SORCS2: variants seen among roughly 807,000 people sequenced by gnomAD.
SORCS2 encodes the protein sortilin related VPS10 domain containing receptor 2.
A neutral mutation model predicts 141.6 loss-of-function variants in SORCS2; 100 were observed. The ratio of observed to expected loss-of-function variants is 0.71; its 90% CI spans 0.60 to 0.83. The LOEUF (loss-of-function observed/expected upper bound fraction) is 0.83, where lower values mean the gene tolerates loss of function less well. Ranked by LOEUF, SORCS2 falls within the 40% of genes least tolerant of loss-of-function variation. The pLI is 0.00. For synonymous variants in SORCS2, 789 were observed against 676.9 expected (o/e 1.17, Z -2.57); for missense variants, 1,646 against 1,560.2 (o/e 1.05, Z -0.93).
At position 7,596,020 on chromosome 4, in the gene SORCS2, A is replaced by T. The variant is rs574414939; in HGVS notation, c.649-42308A>T. ...CACGGCAACCCGCGGTTTCTCATTG[A>T]GACTGCATCCTCACAAACCATGGTT... On this transcript the variant is annotated intron_variant, in intron 3 of 26. Coordinates refer to ENST00000507866, the MANE Select transcript of SORCS2 (RefSeq NM_020777.3). Among the ~76,000 whole-genome samples, 498 of 152,240 alleles carry T rather than the reference A, an allele frequency of 3.3e-3. 3 individuals are homozygous for T. The highest frequency in any genetic ancestry group is 0.012 in the African/African-American group (479 of 41,534).
chr4:7,406,453 G>A (rs1724977378), intron 2 of SORCS2, among the ~76,000 whole-genome samples: 1 of 150,140 alleles, frequency 6.7e-6, no homozygotes, highest in African/African-American at 2.4e-5. Context: ...TTTTCTCATG[G>A]TTCAATCTTG....
chr4:7,548,926 C>T (rs1713475135), intron 3 of SORCS2, among the ~76,000 whole-genome samples: 1 of 152,208 alleles, frequency 6.6e-6, no homozygotes, highest in Admixed American at 6.5e-5. Flanking sequence ...CTTTCTGAGC[C>T]AAGATGCCCC....
intron 10 of SORCS2, among the ~76,000 whole-genome samples, chr4:7,684,356 A>C (rs749395148): frequency 5.9e-5 from 9 of 152,224 alleles, no homozygotes; most frequent in Non-Finnish European, 1.2e-4. Flanking sequence ...GACATGGAGC[A>C]ATCTGCAAGG....
Position 7,353,104 on chromosome 4 carries a change from G to A in SORCS2, c.481-43184G>A, listed in dbSNP as rs116361159. 5.2e-3 allele frequency among the ~76,000 whole-genome samples: 792 copies of A among 152,312 alleles called. 1 individual carries two copies. The highest frequency in any genetic ancestry group is 8.9e-3 in the Non-Finnish European group (603 of 68,022). The stretch of plus-strand genomic sequence containing the variant: ...TGTGCCTGGCAATGGTTCTCACTGG[G>A]AGGGGGTAGAGGAGGATGGAGTCAG... On this transcript the variant is annotated intron_variant, in intron 1 of 26. Coordinates refer to ENST00000507866, the MANE Select transcript of SORCS2 (RefSeq NM_020777.3).
chr4:7,284,510 G>A (rs1257553106), intron 1 of SORCS2, among the ~76,000 whole-genome samples: 3 of 152,196 alleles, frequency 2.0e-5, no homozygotes, highest in Non-Finnish European at 4.4e-5. Flanking sequence ...CAGACCTCAG[G>A]AGAGCTCGAG....
chr4:7,245,674 C>T (rs967966916), intron 1 of SORCS2, among the ~76,000 whole-genome samples: 1 of 152,160 alleles, frequency 6.6e-6, no homozygotes, highest in Non-Finnish European at 1.5e-5. Flanking sequence ...GTGTTATGGT[C>T]GCCCCCAGCT....
At chr4:7,712,051 G>C (rs919543940) in intron 14 of SORCS2, among the ~76,000 whole-genome samples, 1 of 152,098 alleles carries the variant, frequency 6.6e-6, no homozygotes, top group Non-Finnish European at 1.5e-5. Flanking sequence ...TCAGATCTTA[G>C]GAAGGTAACA....
intron 3 of SORCS2, among the ~76,000 whole-genome samples, chr4:7,595,319 C>T (rs1159237993): frequency 1.3e-5 from 2 of 152,192 alleles, no homozygotes; most frequent in Non-Finnish European, 2.9e-5. Flanking sequence ...AACCCAGAAG[C>T]TCTCCAACCC....
chr4:7,652,437 C>T (rs1409398413), intron 4 of SORCS2, among the ~76,000 whole-genome samples: 1 of 152,140 alleles, frequency 6.6e-6, no homozygotes, highest in South Asian at 2.1e-4. Flanking sequence ...GCCTGGGGCA[C>T]TGACCCAAGG....
In SORCS2 at chr4:7,525,849, GCAGTCACCTGTCCCCTCCT is replaced by G. The variant is rs774204652; in HGVS notation, c.549-5649_549-5631del. On this transcript the variant is annotated intron_variant, in intron 2 of 26. Coordinates refer to ENST00000507866, the MANE Select transcript of SORCS2 (RefSeq NM_020777.3). ...TCCCCTCAGTCACCTGGGCCCTCCT[GCAGTCACCTGTCCCCTCCT>G]CAGTCACCTGTCCCCTCCTCAGTCA... 1.4e-4 allele frequency among the ~76,000 whole-genome samples: 7 copies of G among 51,672 alleles called. No homozygotes were observed. In the South Asian group the frequency reaches 5.8e-3, roughly 43 times the overall value. 33.9% of individuals were successfully genotyped at this position (51,672 alleles called of 152,430 possible).
intron 1 of SORCS2, among the ~76,000 whole-genome samples, chr4:7,344,418 G>A (rs1395990558): frequency 6.6e-6 from 1 of 152,212 alleles, no homozygotes. Context: ...CTGGCTGGAA[G>A]GGAGATGGGT....
chr4:7,491,275 G>A (rs904220469), intron 2 of SORCS2, among the ~76,000 whole-genome samples: 4 of 152,252 alleles, frequency 2.6e-5, no homozygotes, highest in East Asian at 1.9e-4. Flanking sequence ...TGGGTTACTC[G>A]TAGCTAACCC....
intron 2 of SORCS2, among the ~76,000 whole-genome samples, chr4:7,438,601 C>T (rs1269619827): frequency 6.6e-6 from 1 of 151,656 alleles, no homozygotes; most frequent in Non-Finnish European, 1.5e-5. Context: ...TTTATCTCCC[C>T]TTCCTCTCTC....
intron 1 of SORCS2, among the ~76,000 whole-genome samples, chr4:7,246,185 G>A (rs1015595250): frequency 6.6e-6 from 1 of 152,220 alleles, no homozygotes; most frequent in Admixed American, 6.5e-5. Flanking sequence ...GCACACGTGA[G>A]TGCTGCATCA....
At chr4:7,401,890 G>T (rs546670297) in intron 2 of SORCS2, among the ~76,000 whole-genome samples, 2 of 152,038 alleles carry the variant, frequency 1.3e-5, no homozygotes, top group East Asian at 3.8e-4. Flanking sequence ...ATTCTTTTTC[G>T]TTATCTTCAC....
intron 1 of SORCS2, among the ~76,000 whole-genome samples, chr4:7,365,434 G>C (rs1023628615): frequency 6.6e-6 from 1 of 152,160 alleles, no homozygotes; most frequent in Admixed American, 6.5e-5. Context: ...AGGCTGAGAT[G>C]GGGAGCTGGG....
At chr4:7,475,817 C>T (rs1239452530) in intron 2 of SORCS2, among the ~76,000 whole-genome samples, 3 of 152,248 alleles carry the variant, frequency 2.0e-5, no homozygotes, top group Non-Finnish European at 2.9e-5. Context: ...TGTCCAGTGA[C>T]AGACTCAAAG....
chr4:7,714,676 C>A (rs1268937911), intron 16 of SORCS2, among the ~76,000 whole-genome samples: 1 of 152,198 alleles, frequency 6.6e-6, no homozygotes, highest in African/African-American at 2.4e-5. Context: ...CGTGCTGCAC[C>A]CACCCCAGCC....
At chr4:7,359,044 C>T (rs373710126) in intron 1 of SORCS2, among the ~76,000 whole-genome samples, 7 of 152,200 alleles carry the variant, frequency 4.6e-5, no homozygotes. Context: ...GGCTGTAATC[C>T]TAGTACTTCG....
Sources: gnomAD v4.1 joint callset for allele counts (sites outside exome capture counted in the v4.1 genomes callset) on GRCh38, gnomAD v4.1.1 for gene constraint, MANE v1.5 for transcripts, NCBI Gene and HGNC (gene_info 2026-07-23, HGNC 2026-07-21) for gene names.